MAST2: variants seen among roughly 807,000 people sequenced by gnomAD.
MAST2 encodes microtubule-associated serine/threonine-protein kinase 2.
In MAST2, 70 loss-of-function variants were observed where a neutral mutation model predicts 147.4. The observed-to-expected ratio is 0.47, with a 90% CI of 0.39 to 0.58. MAST2 has a LOEUF of 0.58. MAST2 is among the 20% of genes least tolerant of loss of function. The probability of loss-of-function intolerance (pLI) is 0.00; values close to 1 mark genes in which losing one functional copy is unlikely to be tolerated. For synonymous variants in MAST2, 869 were observed against 896.8 expected (o/e 0.97, Z 0.55); for missense variants, 2,080 against 2,302.3 (o/e 0.90, Z 1.98).
intron 4 of MAST2, among the ~76,000 whole-genome samples, chr1:45,899,858 A>AT (rs887595948): frequency 1.2e-4 from 18 of 149,822 alleles, no homozygotes; most frequent in Admixed American, 4.0e-4. Flanking sequence ...TTAAAAAAAA[A>AT]TTTTTTTTTT....
intron 4 of MAST2, among the ~76,000 whole-genome samples, chr1:45,921,979 T>C (rs544591452): frequency 2.0e-5 from 3 of 152,266 alleles, no homozygotes; most frequent in African/African-American, 2.4e-5. Context: ...TTGAGTGATA[T>C]AATAGCTTAG....
At chr1:45,993,373 CCT>C (rs1445954676) in intron 5 of MAST2, among the ~76,000 whole-genome samples, 1 of 151,824 alleles carries the variant, frequency 6.6e-6, no homozygotes, top group Non-Finnish European at 1.5e-5. Flanking sequence ...TTATTTTTTA[CCT>C]CTGTCTTTTA....
At chr1:45,903,240 C>A (rs75612136) in intron 4 of MAST2, among the ~76,000 whole-genome samples, 1 of 140,224 alleles carries the variant, frequency 7.1e-6, no homozygotes, top group African/African-American at 2.7e-5. Flanking sequence ...AGCAATTCTT[C>A]TGCCTCAGCC....
At chr1:45,847,577 C>G in intron 3 of MAST2, 1 of 800,842 alleles carries the variant, frequency 1.2e-6, no homozygotes, top group Non-Finnish European at 2.0e-6. Flanking sequence ...TTTTTCCCAT[C>G]CTGCACTTTT....
chr1:45,821,764 G>A (rs1465322530), intron 1 of MAST2, among the ~76,000 whole-genome samples: 4 of 151,016 alleles, frequency 2.6e-5, no homozygotes, highest in South Asian at 2.1e-4. Context: ...TGATCTGCCC[G>A]CCTTGGCCTC....
chr1:46,033,891 G>A lies in MAST2; in HGVS notation c.3627G>A (p.Lys1209=). The change falls in exon 27 of 29, where the codon AAG becomes AAA. Residue 1209 remains lysine (K), a synonymous_variant. Coordinates refer to ENST00000361297, the MANE Select transcript of MAST2 (RefSeq NM_015112.3). ...CTCGGAAGGGCAGCTACAAGGCCAA[G>A]ATGGCCCGAAGGAGCAAGAGGAGCC... The part of the protein sequence containing the change: ...GPARKGSYKA[K]MARRSKRSRG... The A allele has an allele frequency of 1.2e-6, 2 of 1,614,198 alleles. No homozygotes were observed. The highest frequency in any genetic ancestry group is 1.7e-6 in the Non-Finnish European group (2 of 1,180,022).
intron 5 of MAST2, among the ~76,000 whole-genome samples, chr1:45,984,370 C>T (rs1270508240): frequency 6.6e-6 from 1 of 151,054 alleles, no homozygotes; most frequent in Non-Finnish European, 1.5e-5. Context: ...GTGACACAAT[C>T]GTGGCTCACT....
chr1:45,882,482 T>C, intron 4 of MAST2, 87 bp downstream of exon 4: 1 of 1,026,862 alleles, frequency 9.7e-7, no homozygotes, highest in South Asian at 1.4e-5. Context: ...TGTGGAGGAA[T>C]CCCGCTCAGT....
intron 4 of MAST2, among the ~76,000 whole-genome samples, chr1:45,918,319 A>G (rs1652887858): frequency 6.6e-6 from 1 of 152,230 alleles, no homozygotes; most frequent in Non-Finnish European, 1.5e-5. Flanking sequence ...CAGGGGCCTG[A>G]TCTAGGAGCT....
At chr1:45,997,531 G>A (rs1340998640) in intron 5 of MAST2, among the ~76,000 whole-genome samples, 193 bp from the exon 6 acceptor site, 2 of 152,124 alleles carry the variant, frequency 1.3e-5, no homozygotes, top group Non-Finnish European at 2.9e-5. Context: ...GGTTGTTACA[G>A]CAAACTTGGG....
At chr1:45,933,905 GT>G (rs11423169) in intron 4 of MAST2, among the ~76,000 whole-genome samples, 5,070 of 147,406 alleles carry the variant, frequency 0.034, 166 homozygotes, top group South Asian at 0.15. Context: ...AAAATTTTAA[GT>G]TTTTTTTTTT....
intron 5 of MAST2, among the ~76,000 whole-genome samples, chr1:45,970,799 T>G (rs530173021): frequency 0.015 from 958 of 62,924 alleles, 9 homozygotes; most frequent in African/African-American, 0.068. Flanking sequence ...CTAAGAAGTG[T>G]TTTTTTTTTT....
At chr1:45,922,038 G>GA (rs1266518603) in intron 4 of MAST2, among the ~76,000 whole-genome samples, 1 of 152,184 alleles carries the variant, frequency 6.6e-6, no homozygotes, top group Non-Finnish European at 1.5e-5. Flanking sequence ...TCCTCCCGTT[G>GA]AGTGTTCAGC....
In MAST2 at chr1:46,034,083, A is replaced by G; in HGVS notation, c.3685A>G (p.Ser1229Gly). Residue 1229 changes from serine to glycine, a missense_variant, in exon 28 of 29, where the codon AGC becomes GGC. Around this residue, in one of 4 missense-constraint regions of MAST2, gnomAD observed 1,278 missense variants for 1,304.2 expected, o/e 0.98. Coordinates refer to ENST00000361297, the MANE Select transcript of MAST2 (RefSeq NM_015112.3). The part of the protein sequence containing the change: ...GKDGQESRKR[S>G]SLFRKITKQA... The stretch of plus-strand genomic sequence containing the variant: ...CCCTTATCCCCGCAGCAGAAAAAGG[A>G]GCTCCCTGTTCCGCAAGATCACCAA... 1 of 1,613,266 alleles carries G rather than the reference A, an allele frequency of 6.2e-7. No homozygotes were observed. The highest frequency in any genetic ancestry group is 8.5e-7 in the Non-Finnish European group (1 of 1,179,580).
intron 5 of MAST2, among the ~76,000 whole-genome samples, chr1:45,963,891 G>A (rs922705884): frequency 7.2e-5 from 11 of 151,822 alleles, no homozygotes; most frequent in Admixed American, 2.0e-4. Context: ...CTGGCTGTGG[G>A]TTTGTCATAA....
chr1:45,983,343 A>C (rs1335773671), intron 5 of MAST2, among the ~76,000 whole-genome samples: 1 of 152,212 alleles, frequency 6.6e-6, no homozygotes, highest in African/African-American at 2.4e-5. Flanking sequence ...TCTTTGACTT[A>C]GAAGGTGTTG....
intron 1 of MAST2, among the ~76,000 whole-genome samples, chr1:45,813,836 G>A (rs1644374373): frequency 2.0e-5 from 3 of 152,034 alleles, no homozygotes; most frequent in South Asian, 2.1e-4. Context: ...TTTTTAAATA[G>A]AGATGAAGTC....
Position 45,870,188 on chromosome 1 carries a change from T to C in MAST2, c.469-12176T>C, listed in dbSNP as rs189349299. Among the ~76,000 whole-genome samples, 86 of 152,356 alleles carry C rather than the reference T, an allele frequency of 5.6e-4. No individual in the cohort carries two copies. The East Asian group carries it at 0.013, about 23-fold the overall frequency. On this transcript the variant is annotated intron_variant, in intron 3 of 28. Coordinates refer to ENST00000361297, the MANE Select transcript of MAST2 (RefSeq NM_015112.3). ...ATCTGCCCACCTTGGCCTCCCAAAGTGCTGGGATTACAGGCATGAGCTACT... is the reference window on the plus strand; with the variant it reads ...ATCTGCCCACCTTGGCCTCCCAAAGCGCTGGGATTACAGGCATGAGCTACT...
At chr1:46,009,203 C>G (rs1286043790) in intron 9 of MAST2, among the ~76,000 whole-genome samples, 1 of 152,036 alleles carries the variant, frequency 6.6e-6, no homozygotes, top group Non-Finnish European at 1.5e-5. Context: ...TACAGGCATG[C>G]GCCACCACGC....
Sources: gnomAD v4.1 joint callset for allele counts (sites outside exome capture counted in the v4.1 genomes callset) on GRCh38, gnomAD v4.1.1 for gene constraint, gnomAD v4.1.1 regional missense constraint, MANE v1.5 for transcripts, NCBI Gene and HGNC (gene_info 2026-07-23, HGNC 2026-07-21) for gene names.